ESYT3: variants seen among roughly 807,000 people sequenced by gnomAD.
ESYT3 encodes extended synaptotagmin-3.
In ESYT3, 101 loss-of-function variants were observed where a neutral mutation model predicts 111.5. That is an observed-to-expected ratio of 0.91 (90% CI 0.77 to 1.07). The LOEUF is 1.07. Ranked by LOEUF, ESYT3 falls within the 50% of genes least tolerant of loss-of-function variation. The pLI, the probability that ESYT3 is intolerant of heterozygous loss-of-function variation, is 0.00. For synonymous variants in ESYT3, 416 were observed against 446.8 expected (o/e 0.93, Z 0.87); for missense variants, 1,097 against 1,109.4 (o/e 0.99, Z 0.16).
chr3:138,451,711 G>C (rs1187108664), intron 1 of ESYT3, among the ~76,000 whole-genome samples: 1 of 152,214 alleles, frequency 6.6e-6, no homozygotes, highest in Non-Finnish European at 1.5e-5. Flanking sequence ...GTGAAACCGC[G>C]TGGAGTCCTG....
intron 12 of ESYT3, 104 bp from the exon 13 acceptor site, chr3:138,468,551 G>A (rs905196916): frequency 1.1e-5 from 13 of 1,173,384 alleles, no homozygotes; most frequent in Non-Finnish European, 1.7e-5. Context: ...AGTCTGGAGT[G>A]TGAAGGCTAG....
rs1307738666 is a variant in ESYT3 at position 138,434,616 on chromosome 3, G to A, written c.-183G>A. The A allele has an allele frequency of 7.0e-6, 4 of 573,212 alleles. No individual in the cohort carries two copies. The highest frequency in any genetic ancestry group is 8.8e-6 in the Non-Finnish European group (3 of 340,440). 35.5% of individuals were successfully genotyped at this position (573,212 alleles called of 1,614,324 possible). On this transcript the variant is annotated 5_prime_UTR_variant, in exon 1 of 23. Transcript: ENST00000389567. Reference sequence around the variant, plus strand: ...CTGGGGCGGCGCGGCGCGGCGCGGTGCATTTCCAGGCGCTGCTCTCCGTCG... The same window carrying A: ...CTGGGGCGGCGCGGCGCGGCGCGGTACATTTCCAGGCGCTGCTCTCCGTCG...
intron 1 of ESYT3, among the ~76,000 whole-genome samples, chr3:138,446,090 T>C (rs533584573): frequency 2.6e-5 from 4 of 152,336 alleles, no homozygotes; most frequent in African/African-American, 9.6e-5. Context: ...TAATGATTTA[T>C]AGAGTGTTGG....
Position 138,457,427 on chromosome 3 carries a change from A to T in ESYT3, c.505-141A>T, listed in dbSNP as rs2032350833. On this transcript the variant is annotated intron_variant, in intron 3 of 22. Transcript: ENST00000389567. ...GGGAGGGAAGTCTCTGGGCTGCAGG[A>T]TAGATTTACATGTCTGTGCCTCGTC... 3 of 777,844 alleles carry T rather than the reference A, an allele frequency of 3.9e-6. No homozygotes were observed. The South Asian group carries it at 4.3e-5, about 11-fold the overall frequency. The allele number at this position is 777,844 out of a possible 1,614,324, so 48.2% of individuals were successfully genotyped here.
At chr3:138,436,813 G>A (rs149692018) in intron 1 of ESYT3, among the ~76,000 whole-genome samples, 2 of 152,308 alleles carry the variant, frequency 1.3e-5, no homozygotes, top group Non-Finnish European at 1.5e-5. Context: ...CATGAGGGTG[G>A]GCCTGCGAGT....
intron 4 of ESYT3, among the ~76,000 whole-genome samples, 179 bp from the exon 5 acceptor site, chr3:138,459,008 G>C (rs926483064): frequency 1.2e-4 from 18 of 152,286 alleles, no homozygotes; most frequent in African/African-American, 4.3e-4. Context: ...GTCTGGGTCA[G>C]GTCTGAGCAG....
chr3:138,434,703 G>C lies in ESYT3; in HGVS notation c.-96G>C. On this transcript the variant is annotated 5_prime_UTR_variant, in exon 1 of 23. Transcript: ENST00000389567. ...CAGGGCAAGGGGGCGCGGCGTCCTG[G>C]TCCTCGAGCTTGGGAGACAGATGCG... The C allele has an allele frequency of 1.7e-6, 2 of 1,150,484 alleles. No homozygotes were observed. The highest frequency in any genetic ancestry group is 2.4e-6 in the Non-Finnish European group (2 of 845,320). The allele number at this position is 1,150,484 out of a possible 1,614,324, so 71.3% of individuals were successfully genotyped here. A position where few individuals can be genotyped will look rare whatever the true frequency, so the allele number is the denominator to read the frequency against.
At chr3:138,462,955 A>G (rs1259003679) in intron 8 of ESYT3, among the ~76,000 whole-genome samples, 1 of 151,930 alleles carries the variant, frequency 6.6e-6, no homozygotes, top group Non-Finnish European at 1.5e-5. Flanking sequence ...GAGCCACCAC[A>G]CCTGTCCTTT....
chr3:138,481,378 T>C (rs2033685305), downstream of ESYT3: 3 of 152,426 alleles, frequency 2.0e-5, no homozygotes. Flanking sequence ...CCCATCTTTT[T>C]TTTTTTGAGA....
intron 3 of ESYT3, among the ~76,000 whole-genome samples, 192 bp from the exon 4 acceptor site, chr3:138,457,376 G>A (rs2032346092): frequency 6.6e-6 from 1 of 152,186 alleles, no homozygotes; most frequent in Admixed American, 6.5e-5. Context: ...GGGCAGGAAG[G>A]GAGAGAAAGG....
At position 138,462,994 on chromosome 3, in the gene ESYT3, A is replaced by G. The variant is rs376477106; in HGVS notation, c.915+788A>G. Among the ~76,000 whole-genome samples the G allele has an allele frequency of 4.3e-4, 65 of 152,232 alleles. 1 individual carries two copies. In the East Asian group the frequency reaches 5.4e-3, roughly 13 times the overall value. ...ACTTAATATGAACAAATACATATATATGGTCGTATGACACATATTTGCTTA... is the reference window on the plus strand; with the variant it reads ...ACTTAATATGAACAAATACATATATGTGGTCGTATGACACATATTTGCTTA... On this transcript the variant is annotated intron_variant, in intron 8 of 22. Transcript: ENST00000389567.
At chr3:138,462,036 A>T in intron 7 of ESYT3, 50 bp from the exon 8 acceptor site, 1 of 1,610,024 alleles carries the variant, frequency 6.2e-7, no homozygotes, top group Non-Finnish European at 8.5e-7. Context: ...GGCAGGTGGC[A>T]TGGGGGAGGC....
rs931339415 is a variant in ESYT3, at chr3:138,440,529, C to T, written c.327+5404C>T. Among the ~76,000 whole-genome samples, 8 of 152,148 alleles carry T rather than the reference C, an allele frequency of 5.3e-5. No individual in the cohort carries two copies. Among genetic ancestry groups the T allele is most frequent in the Non-Finnish European group, 8.8e-5 (6 of 68,040 alleles). Reference sequence around the variant, plus strand: ...AAAGCCTGATGCTTGGAGCCAGGGCCGTGGAACCTGATTTTAAACATCAGG... The same window carrying T: ...AAAGCCTGATGCTTGGAGCCAGGGCTGTGGAACCTGATTTTAAACATCAGG... On this transcript the variant is annotated intron_variant, in intron 1 of 22. Transcript: ENST00000389567. This position sits in a 1 kb window ranked among gnomAD's most constrained non-coding sequence, Gnocchi z 4.2.
Position 138,460,150 on chromosome 3 carries a change from C to T in ESYT3, c.738+116C>T, listed in dbSNP as rs914780883. The T allele has an allele frequency of 4.7e-6, 4 of 855,596 alleles. No homozygotes were observed. The East Asian group carries it at 7.7e-5, about 17-fold the overall frequency. The allele number at this position is 855,596 out of a possible 1,614,324, so 53.0% of individuals were successfully genotyped here. ...GGACATTGTCCCAGCCCACTGAGAC[C>T]TGGGCAGTCACACTCCTTATCTCAT... On this transcript the variant is annotated intron_variant, in intron 6 of 22. Transcript: ENST00000389567.
Position 138,476,892 on chromosome 3 carries a change from G to GTA in ESYT3, c.*46_*47dup, listed in dbSNP as rs747832479. 11 of 1,494,660 alleles carry GTA rather than the reference G, an allele frequency of 7.4e-6. No individual in the cohort carries two copies. Among genetic ancestry groups the GTA allele is most frequent in the African/African-American group, 2.8e-5 (2 of 70,288 alleles). The allele number at this position is 1,494,660 out of a possible 1,614,324, so 92.6% of individuals were successfully genotyped here. A position where few individuals can be genotyped will look rare whatever the true frequency, so the allele number is the denominator to read the frequency against. ...TTATCACTCACCTTTATATTAAAATGTATATATATGTATATATTTTTTCCT... is the reference window on the plus strand; with the variant it reads ...TTATCACTCACCTTTATATTAAAATGTATATATATATGTATATATTTTTTCCT... On this transcript the variant is annotated 3_prime_UTR_variant, in exon 23 of 23. Coordinates refer to ENST00000389567, the MANE Select transcript of ESYT3 (RefSeq NM_031913.5).
intron 3 of ESYT3, among the ~76,000 whole-genome samples, chr3:138,457,254 G>T (rs1224505814): frequency 6.6e-6 from 1 of 152,302 alleles, no homozygotes; most frequent in East Asian, 1.9e-4. Flanking sequence ...CTTGACTTCT[G>T]TAAGCTCCAG....
chr3:138,476,349 A>T lies in ESYT3; in HGVS notation c.2574+21A>T, dbSNP rs371641205. 1.7e-5 allele frequency: 27 copies of T among 1,603,004 alleles called. No homozygotes were observed. The African/African-American group carries it at 3.3e-4, about 20-fold the overall frequency. On this transcript the variant is annotated intron_variant, in intron 21 of 22. Transcript: ENST00000389567. ...GAAAAGTAAGTACAAGAGATATTTGATATACCAAGGAGATTATGATCAATT... is the reference window on the plus strand; with the variant it reads ...GAAAAGTAAGTACAAGAGATATTTGTTATACCAAGGAGATTATGATCAATT...
downstream of ESYT3, chr3:138,480,269 A>T (rs1474383408): frequency 1.3e-5 from 2 of 152,192 alleles, no homozygotes; most frequent in East Asian, 3.8e-4. Flanking sequence ...ATGAAACAGA[A>T]ATGTTGAAAG....
At position 138,472,658 on chromosome 3, in the gene ESYT3, T is replaced by C; in HGVS notation, c.2036T>C (p.Ile679Thr). Residue 679 changes from isoleucine (I) to threonine (T), a missense_variant, in exon 18 of 23, where the codon ATC becomes ACC. Ile to Thr is a moderately conservative substitution (Grantham distance 89, BLOSUM62 -1). Coordinates refer to ENST00000389567, the MANE Select transcript of ESYT3 (RefSeq NM_031913.5). Reference protein sequence around the residue: ...KDSAKRFCEPIGEKKSPATIF... With the variant: ...KDSAKRFCEPTGEKKSPATIF... ...AGTGCCAAAAGGTTCTGTGAGCCCA[T>C]CGGGGAGAAGAAGAGTCCAGCCACC... The C allele has an allele frequency of 6.2e-7, 1 of 1,614,136 alleles. No individual in the cohort carries two copies. The highest frequency in any genetic ancestry group is 8.5e-7 in the Non-Finnish European group (1 of 1,180,026).
Sources: gnomAD v4.1 joint callset for allele counts (sites outside exome capture counted in the v4.1 genomes callset) on GRCh38, gnomAD v4.1.1 for gene constraint, Gnocchi (gnomAD v3.1) non-coding constraint, MANE v1.5 for transcripts, NCBI Gene and HGNC (gene_info 2026-07-23, HGNC 2026-07-21) for gene names.